The following PCDH15 variants were observed in gnomAD, a reference collection of about 807,000 sequenced individuals.
PCDH15 encodes the protein protocadherin-15.
Under a neutral mutation model 178.5 loss-of-function variants are expected in PCDH15, and 129 were observed. That is an observed-to-expected ratio of 0.72 (90% confidence interval 0.63 to 0.84). The LOEUF (loss-of-function observed/expected upper bound fraction) is 0.84, where lower values mean the gene tolerates loss of function less well. PCDH15 is among the 40% of genes least tolerant of loss of function. The pLI, the probability that PCDH15 is intolerant of heterozygous loss-of-function variation, is 0.00. For synonymous variants in PCDH15, 800 were observed against 732.0 expected, an observed-to-expected ratio of 1.09 and a Z score of -1.50; for missense variants, 2,230 against 2,099.9, an observed-to-expected ratio of 1.06 and a Z score of -1.21.
At chr10:53,971,188 A>G (rs1335745932) in intron 21 of PCDH15, among the ~76,000 whole-genome samples, 1 of 152,212 alleles carries the variant, frequency 6.6e-6, no homozygotes, top group African/African-American at 2.4e-5. Flanking sequence ...GACAAAAACC[A>G]CATGATTATC....
At position 54,914,025 on chromosome 10, in the gene PCDH15, T is replaced by C. The variant is rs1954862508; in HGVS notation, c.-79-16525A>G. On this transcript the variant is annotated intron_variant, in intron 2 of 5. Coordinates refer to the PCDH15 transcript ENST00000458638. Reference sequence around the variant, plus strand: ...ATATGAGACTTTAGACTGTGAACTTTTGAGTTTGTGCCAAAAGGCTTTAAG... The same window carrying C: ...ATATGAGACTTTAGACTGTGAACTTCTGAGTTTGTGCCAAAAGGCTTTAAG... Among the ~76,000 whole-genome samples the C allele has an allele frequency of 2.0e-5, 3 of 152,256 alleles. 1 individual carries two copies. Among genetic ancestry groups the C allele is most frequent in the Middle Eastern group, 3.4e-3 (1 of 294 alleles).
At chr10:54,321,408 TAATA>T (rs1045723278) in intron 7 of PCDH15, among the ~76,000 whole-genome samples, 7 of 150,332 alleles carry the variant, frequency 4.7e-5, no homozygotes, top group South Asian at 2.1e-4. Flanking sequence ...AGTAAATAGA[TAATA>T]AATATTAAAT....
chr10:54,689,607 T>C (rs1237318112), intron 1 of PCDH15, among the ~76,000 whole-genome samples: 1 of 152,208 alleles, frequency 6.6e-6, no homozygotes, highest in Non-Finnish European at 1.5e-5. Context: ...ATGACACTTC[T>C]ATTAACATTC....
rs2075993874 is a variant in PCDH15, at chr10:53,814,606, A to G, written c.4491+1633T>C. Reference sequence around the variant, plus strand: ...AACTAGCAGAAGGAAATGATCTAAAAGGTCCCTCTTGGATGCTTCCACCAC... The same window carrying G: ...AACTAGCAGAAGGAAATGATCTAAAGGGTCCCTCTTGGATGCTTCCACCAC... On this transcript the variant is annotated intron_variant, in intron 35 of 37. Transcript: ENST00000644397. 2.6e-5 allele frequency among the ~76,000 whole-genome samples: 4 copies of G among 152,106 alleles called. No homozygotes were observed. The South Asian group carries it at 8.3e-4, about 31-fold the overall frequency.
chr10:54,657,172 A>G (rs1003954868), intron 2 of PCDH15, among the ~76,000 whole-genome samples: 5 of 152,242 alleles, frequency 3.3e-5, no homozygotes, highest in Non-Finnish European at 2.9e-5. Context: ...CTCCAGCTGC[A>G]CTATGGCCAG....
intron 1 of PCDH15, among the ~76,000 whole-genome samples, chr10:54,692,591 G>A (rs562098881): frequency 1.9e-3 from 282 of 150,220 alleles, no homozygotes; most frequent in African/African-American, 6.7e-3. Context: ...AATAAAAATC[G>A]GTTAGAGCTG....
At chr10:55,320,081 T>A (rs1221210546), upstream of PCDH15, among the ~76,000 whole-genome samples, 1 of 152,132 alleles carries the variant, frequency 6.6e-6, no homozygotes, top group Non-Finnish European at 1.5e-5. Context: ...CTCCTCAGAC[T>A]GGAGCCTCCT....
At chr10:54,808,538 C>A (rs1042464529) in intron 3 of PCDH15, among the ~76,000 whole-genome samples, 4 of 152,190 alleles carry the variant, frequency 2.6e-5, no homozygotes, top group Non-Finnish European at 5.9e-5. Flanking sequence ...CATCTTTTAG[C>A]TCCTACTGCC....
chr10:53,881,236 T>A (rs1382179808), intron 26 of PCDH15, among the ~76,000 whole-genome samples: 1 of 152,190 alleles, frequency 6.6e-6, no homozygotes, highest in Non-Finnish European at 1.5e-5. Context: ...TTCTTACTTA[T>A]ACGTGGGAGC....
intron 2 of PCDH15, among the ~76,000 whole-genome samples, chr10:55,120,141 C>A (rs923645075): frequency 4.0e-5 from 6 of 151,794 alleles, no homozygotes; most frequent in African/African-American, 1.5e-4. Context: ...ACAAGAGATT[C>A]CACTCCAGTT....
chr10:55,412,833 C>T (rs1838373591), intron 2 of PCDH15, among the ~76,000 whole-genome samples: 2 of 150,468 alleles, frequency 1.3e-5, no homozygotes, highest in African/African-American at 2.4e-5. Context: ...TTGCTGCATA[C>T]ATCTCTCTAA....
At chr10:54,965,790 AT>A (rs200830765) in intron 2 of PCDH15, among the ~76,000 whole-genome samples, 1,513 of 151,224 alleles carry the variant, frequency 0.01, 14 homozygotes, top group South Asian at 0.016. Flanking sequence ...AAATAAACTA[AT>A]TAATATGAAA....
At chr10:54,539,937 A>G (rs778540853) in intron 2 of PCDH15, among the ~76,000 whole-genome samples, 1 of 152,164 alleles carries the variant, frequency 6.6e-6, no homozygotes, top group African/African-American at 2.4e-5. Context: ...AATTTTAAAA[A>G]ATTCTTTTAA....
intron 23 of PCDH15, among the ~76,000 whole-genome samples, chr10:53,942,341 G>A (rs1196789434): frequency 6.6e-6 from 1 of 151,388 alleles, no homozygotes; most frequent in Non-Finnish European, 1.5e-5. Context: ...CAATAATCTT[G>A]CCTCTTTCCT....
chr10:55,503,080 A>G (rs1173982156), intron 2 of PCDH15, among the ~76,000 whole-genome samples: 1 of 151,450 alleles, frequency 6.6e-6, no homozygotes, highest in Non-Finnish European at 1.5e-5. Flanking sequence ...TCAAATATGA[A>G]AGACATCTTA....
chr10:54,755,985 G>A (rs1051193633), intron 1 of PCDH15, among the ~76,000 whole-genome samples: 6 of 151,466 alleles, frequency 4.0e-5, no homozygotes, highest in African/African-American at 9.7e-5. Context: ...CTTTGGCAGC[G>A]GGTGGATCAC....
At chr10:55,257,551 A>G (rs2132231252) in intron 1 of PCDH15, among the ~76,000 whole-genome samples, 1 of 152,354 alleles carries the variant, frequency 6.6e-6, no homozygotes, top group Admixed American at 6.5e-5. Flanking sequence ...GCTGAAAACT[A>G]CGGCACGAGA....
At chr10:54,197,112 ATGT>A (rs1439940729) in intron 10 of PCDH15, among the ~76,000 whole-genome samples, 3 of 152,138 alleles carry the variant, frequency 2.0e-5, no homozygotes, top group African/African-American at 7.2e-5. Context: ...TTTCATTGTA[ATGT>A]TGTAGAAACT....
intron 2 of PCDH15, among the ~76,000 whole-genome samples, chr10:55,535,703 T>C (rs1841562530): frequency 6.6e-6 from 1 of 152,070 alleles, no homozygotes; most frequent in Non-Finnish European, 1.5e-5. Context: ...TACTCCTTAG[T>C]AGGACTATTA....
Sources: gnomAD v4.1 joint callset for allele counts (sites outside exome capture counted in the v4.1 genomes callset) on GRCh38, gnomAD v4.1.1 for gene constraint, MANE v1.5 for transcripts, NCBI Gene and HGNC (gene_info 2026-07-23, HGNC 2026-07-21) for gene names.